Variants in ZNF569 observed in about 807,000 individuals in gnomAD.
ZNF569 encodes zinc finger protein 569.
A neutral mutation model predicts 56.3 loss-of-function variants in ZNF569; 38 were observed. The ratio of observed to expected loss-of-function variants is 0.68; its 90% CI spans 0.52 to 0.88. ZNF569 has a LOEUF of 0.88. Among genes scored for constraint, ZNF569 ranks in the 40% least tolerant of loss-of-function variants. ZNF569 has a pLI of 0.00. For missense variants in ZNF569, 666 were observed against 809.2 expected, an observed-to-expected ratio of 0.82 and a Z score of 2.15; for synonymous variants, 241 against 262.9, an observed-to-expected ratio of 0.92 and a Z score of 0.81.
At chr19:37,465,979 A>G (rs1304047439) in intron 1 of ZNF569, among the ~76,000 whole-genome samples, 1 of 152,256 alleles carries the variant, frequency 6.6e-6, no homozygotes, top group Non-Finnish European at 1.5e-5. Flanking sequence ...CTAATCATAC[A>G]TTGTTAAACA....
chr19:37,463,400 ACT>A (rs1182360697), intron 2 of ZNF569, among the ~76,000 whole-genome samples: 1 of 152,028 alleles, frequency 6.6e-6, no homozygotes, highest in African/African-American at 2.4e-5. Flanking sequence ...ATATAAGTAC[ACT>A]CTATGATGTT....
At chr19:37,415,650 C>A (rs1218801690) in intron 5 of ZNF569, among the ~76,000 whole-genome samples, 2 of 151,038 alleles carry the variant, frequency 1.3e-5, no homozygotes, top group Non-Finnish European at 2.9e-5. Context: ...GCGGGCGGAT[C>A]GCGAGGTCAG....
chr19:37,442,967 T>A (rs1360276761), intron 3 of ZNF569, among the ~76,000 whole-genome samples: 1 of 152,174 alleles, frequency 6.6e-6, no homozygotes, highest in Non-Finnish European at 1.5e-5. Context: ...CTTCACTGAG[T>A]GTGTGCGCTG....
At chr19:37,448,034 T>G (rs1006704323) in intron 2 of ZNF569, among the ~76,000 whole-genome samples, 1 of 152,204 alleles carries the variant, frequency 6.6e-6, no homozygotes, top group African/African-American at 2.4e-5. Context: ...TGAGGAATAC[T>G]AGTCTGTAGT....
In ZNF569 at chr19:37,412,500, A is replaced by G. The variant is rs1211270880; in HGVS notation, c.*97T>C. On this transcript the variant is annotated 3_prime_UTR_variant, in exon 6 of 6. Coordinates refer to ENST00000316950, the MANE Select transcript of ZNF569 (RefSeq NM_152484.3). ...TGGCTTTTTCAGAAGGCTATCCCAC[A>G]TTCATAGTTTTCTACTCTGGAAGTG... 7.1e-7 allele frequency: 1 copy of G among 1,418,258 alleles called. No individual in the cohort carries two copies. The highest frequency in any genetic ancestry group is 1.4e-5 in the African/African-American group (1 of 69,426). The allele number at this position is 1,418,258 out of a possible 1,614,324, so 87.9% of individuals were successfully genotyped here.
chr19:37,416,148 A>G (rs1194836701), intron 5 of ZNF569, among the ~76,000 whole-genome samples: 1 of 151,766 alleles, frequency 6.6e-6, no homozygotes, highest in Non-Finnish European at 1.5e-5. Context: ...TGGGAGGATC[A>G]CCTAAGCCTG....
chr19:37,423,640 C>T (rs1281567851), intron 5 of ZNF569, among the ~76,000 whole-genome samples: 1 of 151,954 alleles, frequency 6.6e-6, no homozygotes, highest in Admixed American at 6.6e-5. Context: ...GAAAAAAACA[C>T]AAGAAAAACA....
At chr19:37,448,234 C>A (rs1234967533) in intron 2 of ZNF569, among the ~76,000 whole-genome samples, 1 of 152,140 alleles carries the variant, frequency 6.6e-6, no homozygotes, top group African/African-American at 2.4e-5. Context: ...GGTTTTTAAT[C>A]ACAAATTCAA....
chr19:37,439,243 G>A (rs779544708), intron 3 of ZNF569, among the ~76,000 whole-genome samples: 4 of 152,112 alleles, frequency 2.6e-5, no homozygotes, highest in East Asian at 1.9e-4. Flanking sequence ...GCTCATTTTC[G>A]TATTCTTAGT....
chr19:37,427,018 T>TA (rs1019106162), intron 3 of ZNF569, among the ~76,000 whole-genome samples: 2 of 152,178 alleles, frequency 1.3e-5, no homozygotes, highest in African/African-American at 4.8e-5. Flanking sequence ...ACTGTGTATT[T>TA]AAAAAGCTGT....
At chr19:37,454,141 G>C (rs1039816447) in intron 2 of ZNF569, among the ~76,000 whole-genome samples, 3 of 152,076 alleles carry the variant, frequency 2.0e-5, no homozygotes, top group Non-Finnish European at 4.4e-5. Flanking sequence ...TGTACCCCAG[G>C]CTTCAATAAT....
chr19:37,453,007 T>A (rs1286415493), intron 2 of ZNF569, among the ~76,000 whole-genome samples: 1 of 152,200 alleles, frequency 6.6e-6, no homozygotes, highest in East Asian at 1.9e-4. Context: ...CATTATTTTT[T>A]ATTATCACTC....
chr19:37,458,969 C>T (rs2041716121), intron 2 of ZNF569, among the ~76,000 whole-genome samples: 1 of 152,092 alleles, frequency 6.6e-6, no homozygotes, highest in South Asian at 2.1e-4. Flanking sequence ...TCAAAAGAAA[C>T]TTCCCAAACT....
chr19:37,424,482 TAA>T (rs1568722553), intron 5 of ZNF569, among the ~76,000 whole-genome samples: 1 of 152,058 alleles, frequency 6.6e-6, no homozygotes, highest in African/African-American at 2.4e-5. Context: ...CTTAGGTTTA[TAA>T]AAGAGTTTGC....
chr19:37,441,928 C>G (rs377292590), intron 3 of ZNF569, among the ~76,000 whole-genome samples: 2 of 152,196 alleles, frequency 1.3e-5, no homozygotes, highest in African/African-American at 4.8e-5. Flanking sequence ...TCAAACACCA[C>G]TTTAACAGAG....
At chr19:37,415,353 A>G (rs547167930) in intron 5 of ZNF569, among the ~76,000 whole-genome samples, 16 of 152,316 alleles carry the variant, frequency 1.1e-4, no homozygotes, top group Admixed American at 2.0e-4. Flanking sequence ...TTAAGATAAT[A>G]AAACTCAACA....
intron 5 of ZNF569, among the ~76,000 whole-genome samples, chr19:37,423,412 C>T (rs1400157364): frequency 1.3e-5 from 2 of 149,076 alleles, no homozygotes; most frequent in African/African-American, 4.8e-5. Context: ...ACCAGTCTAA[C>T]ATTGACATTA....
At chr19:37,467,874 C>A, upstream of ZNF569, 10 of 1,536,052 alleles carry the variant, frequency 6.5e-6, no homozygotes, top group Non-Finnish European at 8.7e-6. Context: ...TCTGACCTTG[C>A]AGTTTTGTCA....
chr19:37,465,706 T>C (rs1252197461), intron 1 of ZNF569, among the ~76,000 whole-genome samples: 2 of 152,180 alleles, frequency 1.3e-5, no homozygotes, highest in Non-Finnish European at 2.9e-5. Context: ...TTATTGGAAC[T>C]TTACAGAATA....
Sources: allele counts gnomAD v4.1 joint callset (sites outside exome capture counted in the v4.1 genomes callset), GRCh38; gene constraint gnomAD v4.1.1; transcripts MANE v1.5; gene names NCBI Gene and HGNC (gene_info 2026-07-23, HGNC 2026-07-21).